Variants in CLTC observed in about 807,000 individuals in gnomAD.
CLTC encodes clathrin heavy chain 1.
CLTC carries 16 observed loss-of-function variants against 195.8 expected under a neutral mutation model. The ratio of observed to expected loss-of-function variants is 0.08; its 90% CI spans 0.06 to 0.12. The LOEUF is 0.12. Among genes scored for constraint, CLTC ranks in the 10% least tolerant of loss-of-function variants. The probability of loss-of-function intolerance (pLI) is 1.00; values close to 1 mark genes in which losing one functional copy is unlikely to be tolerated. For synonymous variants in CLTC, 667 were observed against 689.4 expected (o/e 0.97, Z 0.51); for missense variants, 796 against 2,027.0 (o/e 0.39, Z 11.66).
In CLTC at chr17:59,683,988, A is replaced by G; in HGVS notation, c.4434+3A>G. ...TTATTACAGAAGAAGATTATCAGGT[A>G]AAACCTTTTGATTCTTGCACATAAT... On this transcript the variant is annotated splice_donor_region_variant and intron_variant, in intron 28 of 31. Coordinates refer to ENST00000269122, the MANE Select transcript of CLTC (RefSeq NM_004859.4). This position sits in a 1 kb window ranked among gnomAD's most constrained non-coding sequence, Gnocchi z 6.1. 2 of 1,530,398 alleles carry G rather than the reference A, an allele frequency of 1.3e-6. No homozygotes were observed. Among genetic ancestry groups the G allele is most frequent in the Non-Finnish European group, 1.8e-6 (2 of 1,105,026 alleles). The allele number at this position is 1,530,398 out of a possible 1,614,324, so 94.8% of individuals were successfully genotyped here.
intron 3 of CLTC, among the ~76,000 whole-genome samples, 182 bp downstream of exon 3, chr17:59,647,848 T>C (rs1279256646): frequency 6.6e-6 from 1 of 152,096 alleles, no homozygotes. Context: ...CCTTCTCTTC[T>C]TCCTCGCTCC....
intron 2 of CLTC, 143 bp from the exon 3 acceptor site, chr17:59,647,255 C>T (rs753236685): frequency 1.5e-6 from 1 of 649,910 alleles, no homozygotes; most frequent in South Asian, 2.0e-5. Context: ...TAGCTGTTAC[C>T]TCTTTAATGG....
chr17:59,691,632 A>ATAT (rs1555608208), intron 31 of CLTC, among the ~76,000 whole-genome samples: 32 of 145,500 alleles, frequency 2.2e-4, no homozygotes, highest in South Asian at 8.6e-4. Context: ...TTAAAAAAAA[A>ATAT]ATATATATAT....
chr17:59,681,090 T>C lies in CLTC; in HGVS notation c.3065+33T>C. 6.2e-7 allele frequency: 1 copy of C among 1,605,236 alleles called. No homozygotes were observed. Among genetic ancestry groups the C allele is most frequent in the Non-Finnish European group, 8.5e-7 (1 of 1,175,730 alleles). ...TTCAGAGGGATCCATTGGCTATTTA[T>C]AGTCAGTCTTTAATAAATTATGGCC... On this transcript the variant is annotated intron_variant, in intron 19 of 31. Coordinates refer to ENST00000269122, the MANE Select transcript of CLTC (RefSeq NM_004859.4). The surrounding 1 kb of genome is among the most constrained non-coding windows in gnomAD (Gnocchi z 5.0).
chr17:59,682,189 T>G lies in CLTC; in HGVS notation c.3443-82T>G. On this transcript the variant is annotated intron_variant, in intron 21 of 31. Transcript: ENST00000269122. This position sits in a 1 kb window ranked among gnomAD's most constrained non-coding sequence, Gnocchi z 6.8. Reference sequence around the variant, plus strand: ...TATCCATGTTTCCTTGAAAAGGAAATGAATGCAATTTTCATTTACTTGGGT... The same window carrying G: ...TATCCATGTTTCCTTGAAAAGGAAAGGAATGCAATTTTCATTTACTTGGGT... The G allele has an allele frequency of 7.5e-7, 1 of 1,328,068 alleles. No individual in the cohort carries two copies. Among genetic ancestry groups the G allele is most frequent in the Non-Finnish European group, 1.1e-6 (1 of 950,324 alleles). The allele number at this position is 1,328,068 out of a possible 1,614,324, so 82.3% of individuals were successfully genotyped here.
At chr17:59,693,058 A>C (rs2033344104) in intron 31 of CLTC, among the ~76,000 whole-genome samples, 1 of 152,204 alleles carries the variant, frequency 6.6e-6, no homozygotes, top group South Asian at 2.1e-4. Flanking sequence ...TGTAACTCTA[A>C]AAGTTATGTT....
At chr17:59,652,670 C>A (rs751865586) in intron 5 of CLTC, among the ~76,000 whole-genome samples, 9 of 152,060 alleles carry the variant, frequency 5.9e-5, no homozygotes, top group Admixed American at 4.6e-4. Context: ...ATTTAGTAAA[C>A]CATGCTGTAA....
chr17:59,638,653 C>T (rs147203322), intron 1 of CLTC, among the ~76,000 whole-genome samples: 2,471 of 152,156 alleles, frequency 0.016, 50 homozygotes, highest in Non-Finnish European at 0.019. Flanking sequence ...CAACCTAGAT[C>T]CCTCGCTTGC....
chr17:59,693,298 C>T (rs1031931898), intron 31 of CLTC, among the ~76,000 whole-genome samples: 1 of 150,820 alleles, frequency 6.6e-6, no homozygotes, highest in Non-Finnish European at 1.5e-5. Context: ...ACCCAGGAGG[C>T]AGAGGTTTCA....
In CLTC at chr17:59,694,978, CTAT is replaced by C. The variant is rs1406332000; in HGVS notation, c.*1127_*1129del. 7.8e-5 allele frequency: 17 copies of C among 217,036 alleles called. 1 individual carries two copies. The East Asian group carries it at 9.7e-4, about 12-fold the overall frequency. The allele number at this position is 217,036 out of a possible 1,614,324, so 13.4% of individuals were successfully genotyped here. ...ATAGTCTAAAGAACCAGAGTCACTA[CTAT>C]AGTGGCTTAACATTTAATCTGTCTC... On this transcript the variant is annotated 3_prime_UTR_variant, in exon 32 of 32. Coordinates refer to ENST00000269122, the MANE Select transcript of CLTC (RefSeq NM_004859.4).
In CLTC at chr17:59,693,763, G is replaced by A; in HGVS notation, c.4939G>A (p.Val1647Ile). ...GTTGATGCTGACAGCAGGACCCAGT[G>A]TTGCCGTCCCTCCCCAGGCACCTTT... Reference protein sequence around the residue: ...PQLMLTAGPSVAVPPQAPFGY... With the variant: ...PQLMLTAGPSIAVPPQAPFGY... Residue 1647 changes from valine (V) to isoleucine (I), a missense_variant, in exon 32 of 32, where the codon GTT (valine) becomes ATT (isoleucine). This residue lies in a region of CLTC where 148 missense variants were observed against 279.5 expected (regional missense o/e 0.53). Coordinates refer to ENST00000269122, the MANE Select transcript of CLTC (RefSeq NM_004859.4). 2.5e-6 allele frequency: 4 copies of A among 1,613,836 alleles called. No individual in the cohort carries two copies. In the South Asian group the frequency reaches 4.4e-5, roughly 18 times the overall value.
At chr17:59,669,151 A>G (rs1185412702) in intron 14 of CLTC, among the ~76,000 whole-genome samples, 1 of 152,196 alleles carries the variant, frequency 6.6e-6, no homozygotes, top group African/African-American at 2.4e-5. Flanking sequence ...CCATCTGTTT[A>G]AAAGAAGAAA....
At chr17:59,671,272 C>G (rs1160875664) in intron 14 of CLTC, 1 of 152,174 alleles carries the variant, frequency 6.6e-6, no homozygotes, top group African/African-American at 2.4e-5. Flanking sequence ...ATGCAACTAT[C>G]ACATTCATCC....
In CLTC at chr17:59,620,041, C is replaced by A. The variant is rs185248699; in HGVS notation, c.-91C>A. ...GATCCTGCTGAGCCCAGCCTCCCCC[C>A]TCCCCTTCTCCTCCTCTCCCTTGGA... On this transcript the variant is annotated 5_prime_UTR_variant, in exon 1 of 32. Coordinates refer to ENST00000269122, the MANE Select transcript of CLTC (RefSeq NM_004859.4). 521 of 1,185,354 alleles carry A rather than the reference C, an allele frequency of 4.4e-4. 1 individual carries two copies. The African/African-American group carries it at 6.1e-3, about 14-fold the overall frequency. The allele number at this position is 1,185,354 out of a possible 1,614,324, so 73.4% of individuals were successfully genotyped here. A position where few individuals can be genotyped will look rare whatever the true frequency, so the allele number is the denominator to read the frequency against.
intron 15 of CLTC, 56 bp from the exon 16 acceptor site, chr17:59,674,645 A>G: frequency 1.0e-5 from 15 of 1,477,234 alleles, no homozygotes; most frequent in Non-Finnish European, 1.4e-5. Flanking sequence ...CTTTTTTAAA[A>G]TTCCTCTTTG....
At chr17:59,690,289 A>G (rs8078623) in intron 30 of CLTC, 151,756 of 183,708 alleles carry the variant, frequency 0.83, 62,979 homozygotes, top group East Asian at 0.94. Flanking sequence ...TTGCCAGACC[A>G]TGAATTCATT....
chr17:59,649,097 A>G (rs1276889400), intron 4 of CLTC, among the ~76,000 whole-genome samples: 1 of 152,234 alleles, frequency 6.6e-6, no homozygotes, highest in Non-Finnish European at 1.5e-5. Flanking sequence ...TACTTTGTAT[A>G]TTAGACTTAG....
rs2032731323 is a variant in CLTC at position 59,666,323 on chromosome 17, T to C, written c.1782+83T>C. The C allele has an allele frequency of 6.5e-7, 1 of 1,537,856 alleles. No homozygotes were observed. The highest frequency in any genetic ancestry group is 8.9e-7 in the Non-Finnish European group (1 of 1,120,554). On this transcript the variant is annotated intron_variant, in intron 11 of 31. Coordinates refer to ENST00000269122, the MANE Select transcript of CLTC (RefSeq NM_004859.4). The surrounding 1 kb of genome is among the most constrained non-coding windows in gnomAD (Gnocchi z 4.9). ...CGCCTCTCAGATTGTTATGCAAAGCTACTGAGGGGCCTACTCCTTATTAAA... is the reference window on the plus strand; with the variant it reads ...CGCCTCTCAGATTGTTATGCAAAGCCACTGAGGGGCCTACTCCTTATTAAA...
intron 10 of CLTC, 115 bp from the exon 11 acceptor site, chr17:59,665,988 A>T: frequency 1.4e-6 from 1 of 695,748 alleles, no homozygotes; most frequent in Non-Finnish European, 2.3e-6. Flanking sequence ...ATTTGTTCTT[A>T]AGTGTTTATA....
Sources: gnomAD v4.1 joint callset for allele counts (sites outside exome capture counted in the v4.1 genomes callset) on GRCh38, gnomAD v4.1.1 for gene constraint, gnomAD v4.1.1 regional missense constraint, Gnocchi (gnomAD v3.1) non-coding constraint, MANE v1.5 for transcripts, NCBI Gene and HGNC (gene_info 2026-07-23, HGNC 2026-07-21) for gene names.